NT5DC3: variants seen among roughly 807,000 people sequenced by gnomAD.
The protein encoded by NT5DC3 is 5'-nucleotidase domain containing 3.
A neutral mutation model predicts 67.8 loss-of-function variants in NT5DC3; 42 were observed. The observed-to-expected ratio is 0.62, with a 90% confidence interval of 0.48 to 0.80. The LOEUF is 0.80. Ranked by LOEUF, NT5DC3 falls within the 30% of genes least tolerant of loss-of-function variation. The pLI, the probability that NT5DC3 is intolerant of heterozygous loss-of-function variation, is 0.00. For synonymous variants in NT5DC3, 237 were observed against 255.6 expected (o/e 0.93, Z 0.69); for missense variants, 570 against 696.4 (o/e 0.82, Z 2.04).
In NT5DC3 at chr12:103,793,178, A is replaced by G. The variant is rs139703413; in HGVS notation, c.1005T>C (p.Phe335=). 1.2e-6 allele frequency: 2 copies of G among 1,602,086 alleles called. No homozygotes were observed. The highest frequency in any genetic ancestry group is 1.7e-6 in the Non-Finnish European group (2 of 1,175,540). ...VIVQAEKPNF[F]NDKRRPFRKM... ...TAAACACTCACCTCCGCTTATCATTAAAGAAGTTTGGCTTCTCAGCCTGAA... is the reference window on the plus strand; with the variant it reads ...TAAACACTCACCTCCGCTTATCATTGAAGAAGTTTGGCTTCTCAGCCTGAA... Residue 335 remains phenylalanine (F), a synonymous_variant, in exon 9 of 14, where the codon TTT becomes TTC. Coordinates refer to ENST00000392876, the MANE Select transcript of NT5DC3 (RefSeq NM_001031701.3).
At chr12:103,758,950 G>C in the NT5DC3 span, among the ~76,000 whole-genome samples, 1 of 152,136 alleles carries the variant, frequency 6.6e-6, no homozygotes, top group Admixed American at 6.5e-5. Context: ...CCTAGCTATA[G>C]GTGGCCTCTG....
At chr12:103,787,818 ATG>A (rs1885860933) in intron 10 of NT5DC3, among the ~76,000 whole-genome samples, 1 of 152,176 alleles carries the variant, frequency 6.6e-6, no homozygotes, top group Non-Finnish European at 1.5e-5. Flanking sequence ...GGGAAGTACC[ATG>A]ATTCCTTTCG....
chr12:103,806,100 A>C (rs1474998265), intron 4 of NT5DC3, among the ~76,000 whole-genome samples: 1 of 152,068 alleles, frequency 6.6e-6, no homozygotes, highest in Non-Finnish European at 1.5e-5. Flanking sequence ...TACTTACATG[A>C]CTTCCCACCC....
chr12:103,800,712 G>A (rs1032118458), intron 4 of NT5DC3, among the ~76,000 whole-genome samples: 4 of 152,228 alleles, frequency 2.6e-5, no homozygotes, highest in Non-Finnish European at 2.9e-5. Context: ...CTCAACCAGC[G>A]TTGAAATCGA....
chr12:103,746,426 C>A, the NT5DC3 span: 1 of 614,912 alleles, frequency 1.6e-6, no homozygotes. Context: ...TTCTAGAATC[C>A]CAGAATCTCC....
chr12:103,777,779 T>A lies in NT5DC3; in HGVS notation c.*50A>T, dbSNP rs760271748. ...TCAGACCCACATGAAGTCAACCCCA[T>A]CATGCCTGCCCAATCAGGGGCAGTT... On this transcript the variant is annotated 3_prime_UTR_variant, in exon 14 of 14. Coordinates refer to ENST00000392876, the MANE Select transcript of NT5DC3 (RefSeq NM_001031701.3). The A allele has an allele frequency of 1.3e-6, 2 of 1,564,046 alleles. No homozygotes were observed.
In NT5DC3 at chr12:103,785,548, A is replaced by C. The variant is rs1885728964; in HGVS notation, c.1189-73T>G. ...AAACTATGTCATTATTTTCCCAGAC[A>C]TGAGAGGCATTCATTTAATTACTTT... On this transcript the variant is annotated intron_variant, in intron 11 of 13. Transcript: ENST00000392876. 9 of 1,446,060 alleles carry C rather than the reference A, an allele frequency of 6.2e-6. No homozygotes were observed. In the South Asian group the frequency reaches 1.0e-4, roughly 17 times the overall value. The allele number at this position is 1,446,060 out of a possible 1,614,324, so 89.6% of individuals were successfully genotyped here.
chr12:103,807,956 C>T (rs532820987), intron 2 of NT5DC3, among the ~76,000 whole-genome samples: 1 of 152,296 alleles, frequency 6.6e-6, no homozygotes, highest in Admixed American at 6.5e-5. Context: ...AATTACCCGG[C>T]CTTGGGTATG....
chr12:103,746,381 C>T, the NT5DC3 span: 3 of 478,490 alleles, frequency 6.3e-6, no homozygotes, highest in Admixed American at 3.4e-5. Context: ...ATCTCAATGA[C>T]ATTGCAGAGA....
chr12:103,795,891 C>T (rs979240792), intron 6 of NT5DC3, among the ~76,000 whole-genome samples: 1 of 152,040 alleles, frequency 6.6e-6, no homozygotes, highest in Admixed American at 6.5e-5. Flanking sequence ...CTATGTGAAA[C>T]GACATAAAGC....
chr12:103,759,212 C>T, the NT5DC3 span: 2 of 1,614,080 alleles, frequency 1.2e-6, no homozygotes, highest in Non-Finnish European at 1.7e-6. Context: ...AATGGCACCA[C>T]CCTGCAAACG....
downstream of NT5DC3, chr12:103,766,888 A>C (rs1265918381): frequency 1.9e-5 from 3 of 154,546 alleles, no homozygotes; most frequent in Non-Finnish European, 4.3e-5. Context: ...TCATAATGAG[A>C]TGTCACTTCA....
chr12:103,835,995 C>T (rs1888129737), intron 1 of NT5DC3, among the ~76,000 whole-genome samples: 2 of 152,210 alleles, frequency 1.3e-5, no homozygotes, highest in South Asian at 4.2e-4. Context: ...AAAGCGGAAA[C>T]CCCTGATAAG....
At chr12:103,758,368 T>G in the NT5DC3 span, 1 of 1,589,122 alleles carries the variant, frequency 6.3e-7, no homozygotes, top group Non-Finnish European at 8.5e-7. Flanking sequence ...ACAAATTACC[T>G]GAAAACTCAG....
chr12:103,825,524 G>A (rs758335984), intron 1 of NT5DC3, among the ~76,000 whole-genome samples: 2 of 152,218 alleles, frequency 1.3e-5, no homozygotes, highest in African/African-American at 2.4e-5. Context: ...TGGCACAGTG[G>A]CTCACACTTG....
intron 1 of NT5DC3, among the ~76,000 whole-genome samples, chr12:103,838,695 G>A (rs1010017704): frequency 1.3e-5 from 2 of 152,050 alleles, no homozygotes; most frequent in African/African-American, 2.4e-5. Flanking sequence ...TTGAACTATG[G>A]GTAAATGGTT....
At chr12:103,755,628 C>G in the NT5DC3 span, 12 of 1,614,150 alleles carry the variant, frequency 7.4e-6, 1 homozygote, top group East Asian at 6.7e-5. Context: ...ACTGCACCTG[C>G]AAGGTGGGCT....
chr12:103,797,341 G>A (rs189351069), intron 5 of NT5DC3, among the ~76,000 whole-genome samples: 17 of 151,986 alleles, frequency 1.1e-4, no homozygotes, highest in Non-Finnish European at 2.1e-4. Context: ...CATGGTGGTG[G>A]GTGCCTGAAT....
At chr12:103,749,301 T>C in the NT5DC3 span, 1 of 940,010 alleles carries the variant, frequency 1.1e-6, no homozygotes, top group Admixed American at 3.0e-5. Context: ...TAAAAGTCAT[T>C]GGGCTAAATG....
Sources: allele counts gnomAD v4.1 joint callset (sites outside exome capture counted in the v4.1 genomes callset), GRCh38; gene constraint gnomAD v4.1.1; transcripts MANE v1.5; gene names NCBI Gene and HGNC (gene_info 2026-07-23, HGNC 2026-07-21).